The following RGS12 variants were observed in gnomAD, a reference collection of about 807,000 sequenced individuals.
RGS12 encodes the protein regulator of G protein signaling 12, also known as regulator of G-protein signaling 12.
RGS12 carries 66 observed loss-of-function variants against 120.1 expected under a neutral mutation model. The observed-to-expected ratio is 0.55, with a 90% CI of 0.45 to 0.67. The LOEUF is 0.67. Ranked by LOEUF, RGS12 falls within the 30% of genes least tolerant of loss-of-function variation. The pLI is 0.00. For missense variants in RGS12, 1,859 were observed against 1,957.7 expected, an observed-to-expected ratio of 0.95 and a Z score of 0.95; for synonymous variants, 827 against 804.7, an observed-to-expected ratio of 1.03 and a Z score of -0.47.
chr4:3,333,547 G>A (rs539427598), intron 2 of RGS12, among the ~76,000 whole-genome samples: 3 of 152,310 alleles, frequency 2.0e-5, no homozygotes, highest in Non-Finnish European at 4.4e-5. Context: ...CAGGTGAGAC[G>A]AAAGTTAACT....
At chr4:3,416,197 G>A (rs901139747) in intron 7 of RGS12, 76 bp downstream of exon 7, 18 of 1,527,752 alleles carry the variant, frequency 1.2e-5, no homozygotes, top group Middle Eastern at 1.7e-4. Flanking sequence ...CAAAGAACAC[G>A]TGCTATCAGG....
At chr4:3,417,264 C>G in intron 8 of RGS12, 124 bp from the exon 9 acceptor site, 7 of 1,313,134 alleles carry the variant, frequency 5.3e-6, no homozygotes, top group Non-Finnish European at 7.2e-6. Context: ...CACACCATGA[C>G]CTGTAGAAGT....
intron 3 of RGS12, among the ~76,000 whole-genome samples, chr4:3,348,036 C>G (rs964592033): frequency 6.6e-6 from 1 of 152,174 alleles, no homozygotes; most frequent in African/African-American, 2.4e-5. Flanking sequence ...CCAGATAAGT[C>G]TTTGTAAGAT....
At chr4:3,350,324 A>G (rs959420808) in intron 3 of RGS12, among the ~76,000 whole-genome samples, 10 of 152,242 alleles carry the variant, frequency 6.6e-5, no homozygotes, top group African/African-American at 2.4e-4. Context: ...GTATGCTGAC[A>G]GTTTTGAAGA....
At chr4:3,396,909 T>C (rs1442917940) in intron 4 of RGS12, among the ~76,000 whole-genome samples, 1 of 150,596 alleles carries the variant, frequency 6.6e-6, no homozygotes, top group Non-Finnish European at 1.5e-5. Flanking sequence ...ATTTGGACAA[T>C]TGGGGTTTTT....
intron 2 of RGS12, among the ~76,000 whole-genome samples, chr4:3,318,720 C>T (rs991470651): frequency 1.3e-5 from 2 of 152,188 alleles, no homozygotes; most frequent in Non-Finnish European, 2.9e-5. Flanking sequence ...AAGCTGGGAA[C>T]CCTCTGGAAG....
At chr4:3,355,392 T>C (rs938694820) in intron 3 of RGS12, among the ~76,000 whole-genome samples, 2 of 152,158 alleles carry the variant, frequency 1.3e-5, no homozygotes, top group Admixed American at 6.5e-5. Context: ...TCCTGGTTAG[T>C]GTACTAAGAA....
intron 2 of RGS12, among the ~76,000 whole-genome samples, chr4:3,338,589 A>T (rs1267685645): frequency 6.6e-6 from 1 of 152,200 alleles, no homozygotes; most frequent in African/African-American, 2.4e-5. Flanking sequence ...CGGCTGGCTC[A>T]GGCTGGCTCA....
At chr4:3,370,341 T>A (rs2108886364) in intron 3 of RGS12, 1 of 1,612,638 alleles carries the variant, frequency 6.2e-7, no homozygotes, top group East Asian at 2.2e-5. Flanking sequence ...TCCGGCTTTT[T>A]CTTTTCATTT....
At chr4:3,289,693 T>C (rs1211615355), upstream of RGS12, among the ~76,000 whole-genome samples, 1 of 152,150 alleles carries the variant, frequency 6.6e-6, no homozygotes, top group East Asian at 1.9e-4. Context: ...TAAAATCTAC[T>C]CTTAGAGATT....
chr4:3,292,313 C>A (rs1203114404), upstream of RGS12, among the ~76,000 whole-genome samples: 1 of 152,136 alleles, frequency 6.6e-6, no homozygotes, highest in Non-Finnish European at 1.5e-5. Flanking sequence ...AGCGGTGCCT[C>A]CGGTCCCGCC....
Position 3,390,535 on chromosome 4 carries a change from T to C in RGS12, c.2020+4098T>C, listed in dbSNP as rs1453859561. 6.6e-6 allele frequency among the ~76,000 whole-genome samples: 1 copy of C among 152,220 alleles called. No individual in the cohort carries two copies. The highest frequency in any genetic ancestry group is 1.5e-5 in the Non-Finnish European group (1 of 68,032). On this transcript the variant is annotated intron_variant, in intron 4 of 17. Transcript: ENST00000336727. This position sits in a 1 kb window ranked among gnomAD's most constrained non-coding sequence, Gnocchi z 4.6. ...AAGCACAGAAGCAGAAACTCCTGTG[T>C]GACTGGTGTTGCGGGGTGGACCCAC...
chr4:3,294,641 G>A (rs1723262996), intron 1 of RGS12, among the ~76,000 whole-genome samples: 1 of 152,132 alleles, frequency 6.6e-6, no homozygotes, highest in Non-Finnish European at 1.5e-5. Context: ...CAAGGGCAGT[G>A]GGGTGGCTGA....
intron 3 of RGS12, among the ~76,000 whole-genome samples, chr4:3,379,025 G>C (rs1015869973): frequency 6.6e-6 from 1 of 151,634 alleles, no homozygotes; most frequent in Non-Finnish European, 1.5e-5. Flanking sequence ...GTGTGTGTGT[G>C]TGTGTGTGTG....
In RGS12 at chr4:3,374,860, G is replaced by T. The variant is rs1333488725; in HGVS notation, c.1999-11556G>T. On this transcript the variant is annotated intron_variant, in intron 3 of 17. Transcript: ENST00000336727. This position sits in a 1 kb window ranked among gnomAD's most constrained non-coding sequence, Gnocchi z 6.3. ...CCTGCTCTTTGCCCCATGGCTTTCT[G>T]CCTTGGACTGGGCTCTGCGGGGCAG... is the stretch of plus-strand genomic sequence containing the variant. 6.6e-6 allele frequency among the ~76,000 whole-genome samples: 1 copy of T among 152,184 alleles called. No individual in the cohort carries two copies. Among genetic ancestry groups the T allele is most frequent in the East Asian group, 1.9e-4 (1 of 5,176 alleles).
rs531781763 is a variant in RGS12 at position 3,398,405 on chromosome 4, G to A, written c.2020+11968G>A. On this transcript the variant is annotated intron_variant, in intron 4 of 17. Coordinates refer to ENST00000336727, the MANE Select transcript of RGS12 (RefSeq NM_001394154.1). The stretch of plus-strand genomic sequence containing the variant: ...AGGGAATGCTTGGGAAGCTGAGGCA[G>A]GAGGCTCACTTGAGGCCAAAAGTTT... Among the ~76,000 whole-genome samples the A allele has an allele frequency of 2.0e-5, 3 of 152,286 alleles. No individual in the cohort carries two copies. In the South Asian group the frequency reaches 6.2e-4, roughly 32 times the overall value.
chr4:3,429,286 C>T (rs1203222623), intron 16 of RGS12, among the ~76,000 whole-genome samples: 2 of 152,170 alleles, frequency 1.3e-5, no homozygotes, highest in Non-Finnish European at 1.5e-5. Flanking sequence ...CCTTTTTCTC[C>T]AGAAGTTTAT....
chr4:3,436,479 G>A (rs1392058580), intron 17 of RGS12, among the ~76,000 whole-genome samples: 1 of 152,198 alleles, frequency 6.6e-6, no homozygotes, highest in Admixed American at 6.5e-5. Flanking sequence ...AAGTGCCTGG[G>A]GGACGGGGTC....
At chr4:3,423,853 T>C (rs948760495) in intron 13 of RGS12, 1 of 579,006 alleles carries the variant, frequency 1.7e-6, no homozygotes, top group Non-Finnish European at 2.9e-6. Flanking sequence ...ACCTTGGTCA[T>C]TCCAAAAAGA....
Sources: allele counts gnomAD v4.1 joint callset (sites outside exome capture counted in the v4.1 genomes callset), GRCh38; gene constraint gnomAD v4.1.1; non-coding constraint Gnocchi (gnomAD v3.1); transcripts MANE v1.5; gene names NCBI Gene and HGNC (gene_info 2026-07-23, HGNC 2026-07-21).